The following ABHD3 variants were observed in gnomAD, a reference collection of about 807,000 sequenced individuals.
The protein encoded by ABHD3 is abhydrolase domain containing 3, phospholipase.
ABHD3 carries 46 observed loss-of-function variants against 48.8 expected under a neutral mutation model. The ratio of observed to expected loss-of-function variants is 0.94; its 90% confidence interval spans 0.74 to 1.20. The LOEUF is 1.20. Ranked by LOEUF, ABHD3 falls within the 50% of genes most tolerant of loss-of-function variation. The probability of loss-of-function intolerance (pLI) is 0.00; values close to 1 mark genes in which losing one functional copy is unlikely to be tolerated. For missense variants in ABHD3, 490 were observed against 497.8 expected, an observed-to-expected ratio of 0.98 and a Z score of 0.15; for synonymous variants, 192 against 183.7, an observed-to-expected ratio of 1.04 and a Z score of -0.36.
intron 4 of ABHD3, among the ~76,000 whole-genome samples, chr18:21,681,471 A>G (rs191243924): frequency 3.6e-4 from 54 of 151,988 alleles, no homozygotes; most frequent in Middle Eastern, 3.4e-3. Flanking sequence ...TCAAACTCCA[A>G]ACTCCATGTA....
intron 4 of ABHD3, among the ~76,000 whole-genome samples, chr18:21,670,164 G>T (rs770877543): frequency 3.3e-5 from 5 of 152,024 alleles, no homozygotes; most frequent in African/African-American, 4.8e-5. Context: ...TTAACGCCCC[G>T]GTACTTCTGG....
In ABHD3 at chr18:21,703,736, T is replaced by C. The variant is rs765442940; in HGVS notation, c.174A>G (p.Leu58=). The C allele has an allele frequency of 6.2e-7, 1 of 1,613,632 alleles. No homozygotes were observed. Among genetic ancestry groups the C allele is most frequent in the Non-Finnish European group, 8.5e-7 (1 of 1,179,746 alleles). Reference sequence around the variant, plus strand: ...GGCTGAAACTCTCACCCCCGGTCACTAACTGGGGTTTCTGAAGGGAAAAGC... The same window carrying C: ...GGCTGAAACTCTCACCCCCGGTCACCAACTGGGGTTTCTGAAGGGAAAAGC... ...YLSSIAKKPQ[L]VTGGESFSRF... Residue 58 remains leucine (L), a synonymous_variant, in exon 2 of 9, where the codon TTA becomes TTG. Coordinates refer to ENST00000289119, the MANE Select transcript of ABHD3 (RefSeq NM_138340.5).
intron 3 of ABHD3, among the ~76,000 whole-genome samples, chr18:21,688,898 A>G (rs1458775331): frequency 1.3e-5 from 2 of 152,250 alleles, no homozygotes; most frequent in Admixed American, 6.5e-5. Context: ...AGAAGTGGTT[A>G]CACGGACAGT....
At chr18:21,684,245 A>G (rs1329811278) in intron 3 of ABHD3, among the ~76,000 whole-genome samples, 1 of 151,718 alleles carries the variant, frequency 6.6e-6, no homozygotes, top group Admixed American at 6.6e-5. Flanking sequence ...TCCTACGCAC[A>G]TACGTGGGCC....
At chr18:21,656,776 T>A (rs544129278) in intron 8 of ABHD3, 85 bp downstream of exon 8, 8 of 1,260,572 alleles carry the variant, frequency 6.3e-6, no homozygotes, top group African/African-American at 1.5e-5. Flanking sequence ...AAATGACACA[T>A]TTTCTTATTA....
chr18:21,668,994 G>A (rs551774613), intron 4 of ABHD3, among the ~76,000 whole-genome samples: 3 of 152,090 alleles, frequency 2.0e-5, no homozygotes, highest in African/African-American at 4.8e-5. Context: ...AGGCTGAGGT[G>A]GGCCAATCGC....
chr18:21,657,192 T>A, intron 6 of ABHD3, 40 bp from the exon 7 acceptor site: 2 of 1,555,792 alleles, frequency 1.3e-6, no homozygotes, highest in Non-Finnish European at 1.7e-6. Context: ...TCAAGATCAT[T>A]CCTACTCCAT....
intron 4 of ABHD3, among the ~76,000 whole-genome samples, chr18:21,681,448 C>T (rs1445008647): frequency 6.6e-6 from 1 of 152,028 alleles, no homozygotes; most frequent in Non-Finnish European, 1.5e-5. Flanking sequence ...CTTTATTCCC[C>T]CTCCGTCTGC....
In ABHD3 at chr18:21,670,057, T is replaced by C. The variant is rs183455592; in HGVS notation, c.556-5827A>G. Among the ~76,000 whole-genome samples the C allele has an allele frequency of 2.9e-3, 442 of 152,300 alleles. 3 individuals are homozygous for C. Among genetic ancestry groups the C allele is most frequent in the African/African-American group, 0.01 (429 of 41,562 alleles). Reference sequence around the variant, plus strand: ...GTCCTTGGGATAGTCTGGGAGACTGTTGAACAAGGCTTACAATGATCCCCA... The same window carrying C: ...GTCCTTGGGATAGTCTGGGAGACTGCTGAACAAGGCTTACAATGATCCCCA... On this transcript the variant is annotated intron_variant, in intron 4 of 8. Transcript: ENST00000289119.
intron 8 of ABHD3, 23 bp from the exon 9 acceptor site, chr18:21,651,786 CA>C: frequency 6.7e-7 from 1 of 1,491,284 alleles, no homozygotes; most frequent in South Asian, 1.4e-5. Flanking sequence ...AAAAACATGG[CA>C]ATAAGAGAGA....
chr18:21,653,794 G>T (rs1204255698), intron 8 of ABHD3, among the ~76,000 whole-genome samples: 5 of 149,874 alleles, frequency 3.3e-5, no homozygotes, highest in African/African-American at 1.2e-4. Flanking sequence ...CCTAGCTGAG[G>T]CTGAGGTGGG....
intron 4 of ABHD3, among the ~76,000 whole-genome samples, chr18:21,669,550 C>T (rs1006926250): frequency 6.6e-6 from 1 of 152,142 alleles, no homozygotes; most frequent in Non-Finnish European, 1.5e-5. Context: ...ACCTAAACCT[C>T]CACTGTCACT....
chr18:21,697,573 G>T (rs1336632944), intron 3 of ABHD3, among the ~76,000 whole-genome samples: 2 of 152,200 alleles, frequency 1.3e-5, no homozygotes, highest in African/African-American at 4.8e-5. Context: ...TAGAAACAAG[G>T]TTTCGCCATG....
At chr18:21,659,730 G>A (rs1294478175) in intron 5 of ABHD3, among the ~76,000 whole-genome samples, 3 of 151,670 alleles carry the variant, frequency 2.0e-5, no homozygotes, top group Admixed American at 6.6e-5. Flanking sequence ...GTGCAGTGGT[G>A]CGATCTCGGC....
intron 3 of ABHD3, among the ~76,000 whole-genome samples, chr18:21,694,239 G>T (rs2040316905): frequency 6.6e-6 from 1 of 152,072 alleles, no homozygotes; most frequent in Non-Finnish European, 1.5e-5. Flanking sequence ...GGGATTATAG[G>T]TGGGGGCCAC....
At position 21,697,819 on chromosome 18, in the gene ABHD3, A is replaced by G. The variant is rs115733956; in HGVS notation, c.509+4497T>C. 7.1e-3 allele frequency among the ~76,000 whole-genome samples: 1,079 copies of G among 152,324 alleles called. 9 individuals are homozygous for G. The highest frequency in any genetic ancestry group is 0.02 in the African/African-American group (843 of 41,580). On this transcript the variant is annotated intron_variant, in intron 3 of 8. Coordinates refer to ENST00000289119, the MANE Select transcript of ABHD3 (RefSeq NM_138340.5). ...ACAGAAAAGTACTTTGTTAGTTTTC[A>G]GGTAGAGGGGAAAAAACAATGGTTT...
intron 8 of ABHD3, among the ~76,000 whole-genome samples, chr18:21,655,501 G>C (rs774379877): frequency 6.6e-5 from 10 of 152,030 alleles, no homozygotes; most frequent in Non-Finnish European, 1.3e-4. Context: ...GGGCCAGGCT[G>C]CTCCTTATCT....
chr18:21,669,039 C>T (rs895157644), intron 4 of ABHD3, among the ~76,000 whole-genome samples: 4 of 151,934 alleles, frequency 2.6e-5, no homozygotes, highest in African/African-American at 9.7e-5. Flanking sequence ...CTGGGCAACA[C>T]AGCAAGACCC....
intron 5 of ABHD3, 95 bp from the exon 6 acceptor site, chr18:21,659,438 AG>A: frequency 7.9e-7 from 1 of 1,259,960 alleles, no homozygotes; most frequent in Non-Finnish European, 1.1e-6. Context: ...ACTATGGAGA[AG>A]AAAAATATAA....
Sources: gnomAD v4.1 joint callset for allele counts (sites outside exome capture counted in the v4.1 genomes callset) on GRCh38, gnomAD v4.1.1 for gene constraint, MANE v1.5 for transcripts, NCBI Gene and HGNC (gene_info 2026-07-23, HGNC 2026-07-21) for gene names.